FANCL: variants seen among roughly 807,000 people sequenced by gnomAD.
FANCL encodes E3 ubiquitin-protein ligase FANCL.
In FANCL, 69 loss-of-function variants were observed where a neutral mutation model predicts 59.4. The ratio of observed to expected loss-of-function variants is 1.16; its 90% CI spans 0.96 to 1.42. The LOEUF (loss-of-function observed/expected upper bound fraction) is 1.42, where lower values mean the gene tolerates loss of function less well. Ranked by LOEUF, FANCL falls within the 40% of genes most tolerant of loss-of-function variation. The pLI is 0.00. For synonymous variants in FANCL, 180 were observed against 147.1 expected, an observed-to-expected ratio of 1.22 and a Z score of -1.62; for missense variants, 519 against 447.2, an observed-to-expected ratio of 1.16 and a Z score of -1.45.
rs1693660620 is a variant in FANCL at position 58,232,317 on chromosome 2, T to G, written c.97-205A>C. Among the ~76,000 whole-genome samples, 3 of 152,218 alleles carry G rather than the reference T, an allele frequency of 2.0e-5. No individual in the cohort carries two copies. The South Asian group carries it at 6.2e-4, about 32-fold the overall frequency. ...AACTCAAAACTGTCTTACAAAAACT[T>G]TGTAGTTACTGGGAAATCAAAACAC... On this transcript the variant is annotated intron_variant, in intron 1 of 13. Transcript: ENST00000233741.
chr2:58,214,660 C>A (rs1470505672), intron 5 of FANCL, among the ~76,000 whole-genome samples: 5 of 151,918 alleles, frequency 3.3e-5, no homozygotes, highest in Admixed American at 6.6e-5. Context: ...TACCACCACA[C>A]CTAATTTATT....
At chr2:58,178,531 C>T (rs1282425474) in intron 7 of FANCL, among the ~76,000 whole-genome samples, 3 of 151,912 alleles carry the variant, frequency 2.0e-5, no homozygotes, top group Admixed American at 2.0e-4. Context: ...AAATTCAATA[C>T]CCCTTCATGC....
At chr2:58,165,504 C>G (rs963425005) in intron 8 of FANCL, among the ~76,000 whole-genome samples, 1 of 152,116 alleles carries the variant, frequency 6.6e-6, no homozygotes, top group Non-Finnish European at 1.5e-5. Context: ...AATGTTACCT[C>G]CATTGGATCA....
chr2:58,177,294 G>T (rs1687431397), intron 7 of FANCL, among the ~76,000 whole-genome samples: 2 of 152,194 alleles, frequency 1.3e-5, no homozygotes, highest in East Asian at 3.9e-4. Context: ...TATACCCAAA[G>T]GACTATAAAT....
intron 1 of FANCL, among the ~76,000 whole-genome samples, chr2:58,232,507 A>G (rs1351587940): frequency 6.6e-6 from 1 of 152,054 alleles, no homozygotes; most frequent in Non-Finnish European, 1.5e-5. Flanking sequence ...AAAACATCAC[A>G]ATATAAAATA....
rs1289879543 is a variant in FANCL at position 58,204,122 on chromosome 2, G to A, written c.471+8C>T. On this transcript the variant is annotated splice_region_variant and intron_variant, in intron 6 of 13. Transcript: ENST00000233741. ...CTGATCACAATAACAGTTTAACGAGGCACATACCTTTGCCTTCAACTTGAG... is the reference window on the plus strand; with the variant it reads ...CTGATCACAATAACAGTTTAACGAGACACATACCTTTGCCTTCAACTTGAG... The A allele has an allele frequency of 6.2e-7, 1 of 1,602,860 alleles. No homozygotes were observed. The highest frequency in any genetic ancestry group is 1.1e-5 in the South Asian group (1 of 90,876).
In FANCL at chr2:58,229,797, T is replaced by C. The variant is rs760770525; in HGVS notation, c.216+17A>G. ...CTTATCTTCACTGAAAACATAAACC[T>C]TTTAAAAAGGACTTACCTGTTGTAC... On this transcript the variant is annotated intron_variant, in intron 3 of 13. Coordinates refer to ENST00000233741, the MANE Select transcript of FANCL (RefSeq NM_018062.4). The C allele has an allele frequency of 1.9e-6, 3 of 1,583,376 alleles. No homozygotes were observed. The highest frequency in any genetic ancestry group is 2.6e-6 in the Non-Finnish European group (3 of 1,152,226).
At chr2:58,235,109 G>C (rs1199837604) in intron 1 of FANCL, among the ~76,000 whole-genome samples, 1 of 151,894 alleles carries the variant, frequency 6.6e-6, no homozygotes, top group East Asian at 1.9e-4. Flanking sequence ...ATGTGATCAA[G>C]GGGAGGCCAA....
chr2:58,220,328 C>G (rs1169249283), intron 5 of FANCL, among the ~76,000 whole-genome samples: 3 of 152,184 alleles, frequency 2.0e-5, no homozygotes, highest in African/African-American at 7.2e-5. Context: ...GCTAACCTAT[C>G]TCTGCACATA....
chr2:58,165,658 T>TAA, intron 8 of FANCL, 66 bp downstream of exon 8: 1 of 1,584,956 alleles, frequency 6.3e-7, no homozygotes, highest in African/African-American at 1.3e-5. Flanking sequence ...CTGTCATTGT[T>TAA]AGATTTATTT....
At chr2:58,234,769 T>C (rs1038813403) in intron 1 of FANCL, among the ~76,000 whole-genome samples, 7 of 151,886 alleles carry the variant, frequency 4.6e-5, no homozygotes, top group Admixed American at 2.6e-4. Context: ...AGAATATAAT[T>C]GGAAACAGAC....
At chr2:58,227,433 C>T (rs1275444851) in intron 3 of FANCL, among the ~76,000 whole-genome samples, 1 of 152,130 alleles carries the variant, frequency 6.6e-6, no homozygotes, top group Non-Finnish European at 1.5e-5. Context: ...AAGTAGCTCT[C>T]AGTAGATGTG....
At chr2:58,240,170 G>C (rs72812354) in intron 1 of FANCL, among the ~76,000 whole-genome samples, 5,122 of 149,838 alleles carry the variant, frequency 0.034, 118 homozygotes, top group Non-Finnish European at 0.053. Flanking sequence ...TTGTCTACAA[G>C]AGAATCATAT....
chr2:58,236,807 T>C (rs1203058150), intron 1 of FANCL, among the ~76,000 whole-genome samples: 2 of 152,056 alleles, frequency 1.3e-5, no homozygotes, highest in Non-Finnish European at 2.9e-5. Context: ...AAAGATGCAA[T>C]CTATATGTTA....
chr2:58,170,724 C>G, intron 7 of FANCL, among the ~76,000 whole-genome samples: 1 of 149,112 alleles, frequency 6.7e-6, no homozygotes, highest in East Asian at 2.0e-4. Context: ...GTTTGCAATA[C>G]CAGTATCTGA....
chr2:58,200,444 C>G (rs1689883049), intron 6 of FANCL, among the ~76,000 whole-genome samples: 1 of 152,012 alleles, frequency 6.6e-6, no homozygotes, highest in South Asian at 2.1e-4. Context: ...ATAATGTGCA[C>G]TTGAAACCTC....
rs563644058 is a variant in FANCL at position 58,193,852 on chromosome 2, T to C, written c.540+4742A>G. 2.0e-5 allele frequency among the ~76,000 whole-genome samples: 3 copies of C among 152,296 alleles called. No individual in the cohort carries two copies. In the South Asian group the frequency reaches 6.2e-4, roughly 32 times the overall value. On this transcript the variant is annotated intron_variant, in intron 7 of 13. Transcript: ENST00000233741. ...AGAAAAAAGGTTCACCATTTCCATA[T>C]ACAGTACATACGAACTGAGGCAAAG... is the stretch of plus-strand genomic sequence containing the variant.
intron 4 of FANCL, 115 bp from the exon 5 acceptor site, chr2:58,222,157 T>C: frequency 1.4e-6 from 1 of 723,412 alleles, no homozygotes; most frequent in South Asian, 1.7e-5. Context: ...AAGTGCCTGT[T>C]TTTTTACGGA....
intron 5 of FANCL, among the ~76,000 whole-genome samples, chr2:58,220,983 C>T (rs1451630158): frequency 2.6e-5 from 4 of 152,024 alleles, no homozygotes; most frequent in African/African-American, 4.8e-5. Flanking sequence ...GAGGCTGAGG[C>T]GGGCGGATCA....
Sources: gnomAD v4.1 joint callset for allele counts (sites outside exome capture counted in the v4.1 genomes callset) on GRCh38, gnomAD v4.1.1 for gene constraint, MANE v1.5 for transcripts, NCBI Gene and HGNC (gene_info 2026-07-23, HGNC 2026-07-21) for gene names.